The following KIAA1217 variants were observed in gnomAD, a reference collection of about 807,000 sequenced individuals.
KIAA1217 encodes sickle tail protein homolog.
In KIAA1217, 88 loss-of-function variants were observed where a neutral mutation model predicts 163.9. That is an observed-to-expected ratio of 0.54 (90% CI 0.45 to 0.64). KIAA1217 has a LOEUF of 0.64. KIAA1217 is among the 30% of genes least tolerant of loss of function. The pLI, the probability that KIAA1217 is intolerant of heterozygous loss-of-function variation, is 0.00. For synonymous variants in KIAA1217, 903 were observed against 923.1 expected (o/e 0.98, Z 0.39); for missense variants, 2,372 against 2,475.0 (o/e 0.96, Z 0.88).
chr10:24,152,149 A>T (rs192813163), intron 2 of KIAA1217, among the ~76,000 whole-genome samples: 2 of 152,018 alleles, frequency 1.3e-5, no homozygotes, highest in Admixed American at 6.5e-5. Context: ...ATGGGCAATA[A>T]CCTCTCTCTT....
intron 6 of KIAA1217, among the ~76,000 whole-genome samples, chr10:24,487,776 G>T (rs1039498122): frequency 6.6e-6 from 1 of 152,156 alleles, no homozygotes; most frequent in Admixed American, 6.5e-5. Flanking sequence ...TAATGAGAAG[G>T]TTTCCCCCAA....
chr10:24,023,022 C>A (rs758545463), intron 2 of KIAA1217, among the ~76,000 whole-genome samples: 4 of 151,456 alleles, frequency 2.6e-5, no homozygotes, highest in Admixed American at 6.6e-5. Context: ...AGAACAAGAC[C>A]CAACTGCTAT....
chr10:24,341,675 T>C (rs897474392), intron 2 of KIAA1217, among the ~76,000 whole-genome samples: 6 of 152,218 alleles, frequency 3.9e-5, no homozygotes, highest in Non-Finnish European at 8.8e-5. Context: ...TTAGATTTCT[T>C]CAGTGTAGCT....
At chr10:24,201,813 G>A (rs536629488) in intron 2 of KIAA1217, among the ~76,000 whole-genome samples, 2 of 152,190 alleles carry the variant, frequency 1.3e-5, no homozygotes, top group Non-Finnish European at 2.9e-5. Flanking sequence ...CTATAAACTC[G>A]AGGGTGAGGC....
intron 1 of KIAA1217, among the ~76,000 whole-genome samples, chr10:23,966,415 G>A (rs1845068879): frequency 1.3e-5 from 2 of 152,098 alleles, no homozygotes; most frequent in South Asian, 4.1e-4. Flanking sequence ...AAAAGGAAGG[G>A]CCGGGTCCAC....
chr10:23,773,087 C>T (rs759348661), intron 1 of KIAA1217, among the ~76,000 whole-genome samples: 1 of 151,934 alleles, frequency 6.6e-6, no homozygotes, highest in Non-Finnish European at 1.5e-5. Flanking sequence ...TAAGAATGGA[C>T]ATTGAGGAAG....
At chr10:23,714,211 C>T (rs573779902) in intron 1 of KIAA1217, among the ~76,000 whole-genome samples, 2 of 149,966 alleles carry the variant, frequency 1.3e-5, no homozygotes, top group South Asian at 2.1e-4. Context: ...ATTGCTGAAG[C>T]GTTCATGATG....
intron 2 of KIAA1217, among the ~76,000 whole-genome samples, chr10:24,052,770 C>A (rs755072969): frequency 6.6e-6 from 1 of 152,038 alleles, no homozygotes; most frequent in Non-Finnish European, 1.5e-5. Flanking sequence ...GCAAATAAAT[C>A]ATTTTCTTAT....
At chr10:24,187,074 C>T (rs533669466) in intron 2 of KIAA1217, among the ~76,000 whole-genome samples, 158 of 152,194 alleles carry the variant, frequency 1.0e-3, no homozygotes, top group African/African-American at 3.6e-3. Context: ...ATTGATCTGC[C>T]TTTGAGACTC....
intron 1 of KIAA1217, among the ~76,000 whole-genome samples, chr10:23,847,097 G>A (rs1839072768): frequency 6.6e-6 from 1 of 152,104 alleles, no homozygotes; most frequent in Non-Finnish European, 1.5e-5. Context: ...ACTTGATTGT[G>A]GTACATAAGC....
At chr10:24,043,347 A>C (rs1253350464) in intron 2 of KIAA1217, among the ~76,000 whole-genome samples, 5 of 152,094 alleles carry the variant, frequency 3.3e-5, no homozygotes, top group African/African-American at 1.2e-4. Flanking sequence ...GGGAGTTTTT[A>C]TTTTCTAAAA....
chr10:24,537,647 C>T (rs2135289689), intron 17 of KIAA1217, among the ~76,000 whole-genome samples: 1 of 151,732 alleles, frequency 6.6e-6, no homozygotes, highest in South Asian at 2.1e-4. Context: ...TCTACCACCA[C>T]ACACTGGTGT....
At chr10:24,124,805 C>T (rs1023564296) in intron 2 of KIAA1217, among the ~76,000 whole-genome samples, 7 of 151,988 alleles carry the variant, frequency 4.6e-5, no homozygotes, top group South Asian at 2.1e-4. Flanking sequence ...ATAAAATATC[C>T]GTTCTAAATT....
intron 2 of KIAA1217, among the ~76,000 whole-genome samples, chr10:24,226,436 C>T (rs1489271574): frequency 1.3e-5 from 2 of 151,714 alleles, no homozygotes; most frequent in Admixed American, 6.6e-5. Flanking sequence ...ACCATCCTGG[C>T]TAACACGGTG....
chr10:24,414,743 A>C (rs994855516), intron 3 of KIAA1217, among the ~76,000 whole-genome samples: 4 of 152,302 alleles, frequency 2.6e-5, no homozygotes, highest in African/African-American at 9.6e-5. Context: ...GAGCTGTTCA[A>C]ATGGGGCCCT....
intron 2 of KIAA1217, among the ~76,000 whole-genome samples, chr10:24,305,733 C>T (rs1209274300): frequency 1.3e-5 from 2 of 152,256 alleles, no homozygotes; most frequent in Middle Eastern, 3.4e-3. Flanking sequence ...GCATGAGGAG[C>T]AGGTGGGATT....
intron 3 of KIAA1217, among the ~76,000 whole-genome samples, chr10:24,396,377 C>T (rs945173205): frequency 2.0e-5 from 3 of 152,114 alleles, no homozygotes; most frequent in Non-Finnish European, 4.4e-5. Context: ...CACCAAGTAT[C>T]TACCAGGCAA....
At chr10:24,287,355 C>A (rs564007800) in intron 2 of KIAA1217, among the ~76,000 whole-genome samples, 2 of 152,276 alleles carry the variant, frequency 1.3e-5, no homozygotes, top group East Asian at 3.9e-4. Context: ...TTGGCCATCT[C>A]ACTTGTTTTG....
At chr10:24,388,535 C>A in intron 3 of KIAA1217, among the ~76,000 whole-genome samples, 1 of 152,102 alleles carries the variant, frequency 6.6e-6, no homozygotes, top group African/African-American at 2.4e-5. Context: ...AAAGCAATGG[C>A]AACAAAAGCC....
Sources: gnomAD v4.1 joint callset for allele counts (sites outside exome capture counted in the v4.1 genomes callset) on GRCh38, gnomAD v4.1.1 for gene constraint, MANE v1.5 for transcripts, NCBI Gene and HGNC (gene_info 2026-07-23, HGNC 2026-07-21) for gene names.